The following PUM1 variants were observed in gnomAD, a reference collection of about 807,000 sequenced individuals.
The protein encoded by PUM1 is pumilio homolog 1.
Under a neutral mutation model 131.8 loss-of-function variants are expected in PUM1, and 13 were observed. The observed-to-expected ratio is 0.10, with a 90% CI of 0.06 to 0.16. The LOEUF (loss-of-function observed/expected upper bound fraction) is 0.16, where lower values mean the gene tolerates loss of function less well. PUM1 is among the 10% of genes least tolerant of loss of function. PUM1 has a pLI of 1.00. For missense variants in PUM1, 961 were observed against 1,512.4 expected (o/e 0.64, Z 6.05); for synonymous variants, 509 against 556.5 (o/e 0.91, Z 1.20).
Position 31,006,032 on chromosome 1 carries a change from C to A in PUM1, c.542-1G>T. 1 of 1,595,994 alleles carries A rather than the reference C, an allele frequency of 6.3e-7. No individual in the cohort carries two copies. Among genetic ancestry groups the A allele is most frequent in the Admixed American group, 1.8e-5 (1 of 56,020 alleles). ...ATGATTGGCTGGGAAACTGAATGAT[C>A]TACAAAAAAGATACACAAGCATGAT... On this transcript the variant is annotated splice_acceptor_variant, in intron 4 of 21. Transcript: ENST00000426105. LOFTEE classifies it high-confidence loss of function.
chr1:30,991,962 G>A (rs961306486), intron 7 of PUM1, among the ~76,000 whole-genome samples: 1 of 152,230 alleles, frequency 6.6e-6, no homozygotes, highest in Non-Finnish European at 1.5e-5. Context: ...TTGTTTAACT[G>A]TAAGACACAA....
At chr1:31,036,513 C>T (rs2124560677) in intron 2 of PUM1, among the ~76,000 whole-genome samples, 1 of 152,276 alleles carries the variant, frequency 6.6e-6, no homozygotes, top group East Asian at 1.9e-4. Flanking sequence ...GCCAGGAGTT[C>T]AAGATCAGCC....
chr1:31,044,266 T>A (rs1172099017), intron 2 of PUM1, among the ~76,000 whole-genome samples: 1 of 151,870 alleles, frequency 6.6e-6, no homozygotes, highest in Non-Finnish European at 1.5e-5. Flanking sequence ...CCAGGCGAGG[T>A]GGCGGGCGCC....
intron 16 of PUM1, 27 bp downstream of exon 16, chr1:30,952,207 C>G: frequency 1.2e-6 from 2 of 1,608,660 alleles, no homozygotes; most frequent in African/African-American, 2.7e-5. Context: ...TCTCTTAAGT[C>G]AAAGGATAGA....
At chr1:31,051,946 T>C (rs1459429472) in intron 2 of PUM1, among the ~76,000 whole-genome samples, 3 of 152,136 alleles carry the variant, frequency 2.0e-5, no homozygotes, top group East Asian at 1.9e-4. Flanking sequence ...CTTTTAGTAA[T>C]GAAATTTTCA....
Position 30,936,934 on chromosome 1 carries a change from G to C in PUM1, c.3243-99C>G, listed in dbSNP as rs572661565. 39 of 992,946 alleles carry C rather than the reference G, an allele frequency of 3.9e-5. No individual in the cohort carries two copies. The South Asian group carries it at 6.8e-4, about 17-fold the overall frequency. The allele number at this position is 992,946 out of a possible 1,614,324, so 61.5% of individuals were successfully genotyped here. A position where few individuals can be genotyped will look rare whatever the true frequency, so the allele number is the denominator to read the frequency against. ...CTGCCCTGACCTCCGGACCAGCAGGGAGAGAGAGCTATTTAACATTTGAGG... is the reference window on the plus strand; with the variant it reads ...CTGCCCTGACCTCCGGACCAGCAGGCAGAGAGAGCTATTTAACATTTGAGG... On this transcript the variant is annotated intron_variant, in intron 20 of 21. Coordinates refer to ENST00000426105, the MANE Select transcript of PUM1 (RefSeq NM_001020658.2).
At chr1:31,035,014 C>A (rs1259018563) in intron 2 of PUM1, among the ~76,000 whole-genome samples, 1 of 152,128 alleles carries the variant, frequency 6.6e-6, no homozygotes, top group Non-Finnish European at 1.5e-5. Context: ...GGGAAAAAAA[C>A]CTAGTAAATC....
chr1:30,979,115 A>AG (rs1443882196), intron 9 of PUM1, among the ~76,000 whole-genome samples: 11 of 151,950 alleles, frequency 7.2e-5, no homozygotes, highest in African/African-American at 2.4e-4. Context: ...AAAAAAAAAA[A>AG]AGAGAGAGAG....
At position 30,966,961 on chromosome 1, in the gene PUM1, C is replaced by G. The variant is rs1055427863; in HGVS notation, c.1789+206G>C. ...CTTGCTTCTAACCAGCTGGCACATGCCACCCCTCCCCCAACCCACCAACCC... is the reference window on the plus strand; with the variant it reads ...CTTGCTTCTAACCAGCTGGCACATGGCACCCCTCCCCCAACCCACCAACCC... On this transcript the variant is annotated intron_variant, in intron 12 of 21. Transcript: ENST00000426105. The G allele has an allele frequency of 1.7e-5, 9 of 536,090 alleles. No homozygotes were observed. In the African/African-American group the frequency reaches 1.7e-4, roughly 10 times the overall value. The allele number at this position is 536,090 out of a possible 1,614,324, so 33.2% of individuals were successfully genotyped here. A position where few individuals can be genotyped will look rare whatever the true frequency, so the allele number is the denominator to read the frequency against.
intron 3 of PUM1, among the ~76,000 whole-genome samples, chr1:31,020,413 T>C (rs1642980097): frequency 6.6e-6 from 1 of 152,202 alleles, no homozygotes; most frequent in African/African-American, 2.4e-5. Context: ...CATGGTTTGA[T>C]CTATAGCATA....
At chr1:30,962,806 G>A (rs1432552750) in intron 14 of PUM1, among the ~76,000 whole-genome samples, 1 of 152,020 alleles carries the variant, frequency 6.6e-6, no homozygotes, top group Non-Finnish European at 1.5e-5. Context: ...CAACAGCAGA[G>A]TTAAATATTC....
At chr1:30,955,043 T>G (rs1163478816) in intron 14 of PUM1, among the ~76,000 whole-genome samples, 1 of 151,388 alleles carries the variant, frequency 6.6e-6, no homozygotes, top group Non-Finnish European at 1.5e-5. Flanking sequence ...CACTCCAGTC[T>G]AGGCAACAGA....
chr1:30,974,886 G>T (rs893519913), intron 9 of PUM1, 84 bp from the exon 10 acceptor site: 36 of 1,004,364 alleles, frequency 3.6e-5, no homozygotes, highest in Non-Finnish European at 2.9e-5. Context: ...TGACTCAATA[G>T]ATCCTACTGT....
At chr1:31,042,265 C>T (rs1035778106) in intron 2 of PUM1, among the ~76,000 whole-genome samples, 1 of 151,762 alleles carries the variant, frequency 6.6e-6, no homozygotes. Context: ...GAGATTGCAC[C>T]ACTGCACTCC....
At chr1:31,032,611 T>G (rs565703121) in intron 2 of PUM1, among the ~76,000 whole-genome samples, 9 of 151,628 alleles carry the variant, frequency 5.9e-5, no homozygotes, top group African/African-American at 2.2e-4. Flanking sequence ...TAGATAAACC[T>G]GGAACTACAT....
At chr1:30,951,249 C>G (rs1277405271) in intron 16 of PUM1, among the ~76,000 whole-genome samples, 1 of 152,144 alleles carries the variant, frequency 6.6e-6, no homozygotes, top group Admixed American at 6.6e-5. Context: ...GCCTCCAGAA[C>G]TAGAAAGCTC....
intron 2 of PUM1, chr1:31,055,411 CT>C (rs779409812): frequency 8.8e-6 from 4 of 456,282 alleles, no homozygotes; most frequent in Middle Eastern, 3.3e-4. Context: ...ACACAAGTCT[CT>C]GATCTAGAAT....
At chr1:31,051,854 T>C (rs1644117306) in intron 2 of PUM1, among the ~76,000 whole-genome samples, 1 of 152,030 alleles carries the variant, frequency 6.6e-6, no homozygotes, top group Non-Finnish European at 1.5e-5. Context: ...AACCAGTTTA[T>C]CTATCCCACA....
In PUM1 at chr1:30,950,270, A is replaced by T. The variant is rs373920618; in HGVS notation, c.2722-9T>A. 125 of 1,611,206 alleles carry T rather than the reference A, an allele frequency of 7.8e-5. No homozygotes were observed. Among genetic ancestry groups the T allele is most frequent in the Non-Finnish European group, 9.5e-5 (112 of 1,178,916 alleles). ...TGTTCAAGACTGCCAAACTAGACAT[A>T]ATGTGTGGGTAAACACCATTACTTA... On this transcript the variant is annotated splice_polypyrimidine_tract_variant and intron_variant, in intron 16 of 21. Transcript: ENST00000426105.
Sources: gnomAD v4.1 joint callset for allele counts (sites outside exome capture counted in the v4.1 genomes callset) on GRCh38, gnomAD v4.1.1 for gene constraint, MANE v1.5 for transcripts, NCBI Gene and HGNC (gene_info 2026-07-23, HGNC 2026-07-21) for gene names.